Variants in ADA observed in about 807,000 individuals in gnomAD.
The protein encoded by ADA is adenosine aminohydrolase.
ADA carries 45 observed loss-of-function variants against 49.0 expected under a neutral mutation model. The observed-to-expected ratio is 0.92, with a 90% CI of 0.72 to 1.18. ADA has a LOEUF of 1.18. Ranked by LOEUF, ADA falls within the 50% of genes most tolerant of loss-of-function variation. The pLI is 0.00. For synonymous variants in ADA, 173 were observed against 184.2 expected, an observed-to-expected ratio of 0.94 and a Z score of 0.49; for missense variants, 445 against 472.5, an observed-to-expected ratio of 0.94 and a Z score of 0.54.
At chr20:44,620,678 C>T (rs1005798921) in intron 10 of ADA, 7 of 568,756 alleles carry the variant, frequency 1.2e-5, no homozygotes, top group East Asian at 6.2e-5. Context: ...CTCGCAGACA[C>T]GTGCAGGAAT....
At chr20:44,625,168 C>T (rs141880036) in intron 5 of ADA, among the ~76,000 whole-genome samples, 16 of 152,314 alleles carry the variant, frequency 1.1e-4, no homozygotes, top group East Asian at 5.8e-4. Flanking sequence ...ATCTGATCTG[C>T]GTCAGTGACA....
Position 44,624,212 on chromosome 20 carries a change from T to C in ADA, c.596A>G (p.Gln199Arg), listed in dbSNP as rs121908734. ...PGSSLLPGHV[Q>R]AYQEAVKSGI... ...TCTCACAGGACCCACCTGGTAGGCC[T>C]GGACATGTCCAGGCAAGAGGCTGCT... Residue 199 changes from glutamine (Q) to arginine (R), a missense_variant, in exon 6 of 12, where the codon CAG (glutamine) becomes CGG (arginine). Transcript: ENST00000372874. 6.2e-7 allele frequency: 1 copy of C among 1,612,334 alleles called. No individual in the cohort carries two copies. The highest frequency in any genetic ancestry group is 1.1e-5 in the South Asian group (1 of 90,718).
In ADA at chr20:44,636,290, T is replaced by G; in HGVS notation, c.34-2A>C. 1.2e-6 allele frequency: 2 copies of G among 1,600,964 alleles called. No homozygotes were observed. The highest frequency in any genetic ancestry group is 1.7e-6 in the Non-Finnish European group (2 of 1,172,086). On this transcript the variant is annotated splice_acceptor_variant, in intron 1 of 11. Coordinates refer to ENST00000372874, the MANE Select transcript of ADA (RefSeq NM_000022.4). LOFTEE classifies it high-confidence loss of function. ...GTCTAGGTGGACATGCAGTTCCACC[T>G]GCAAGGGGGCAGGGGGAAGAGAGAG...
chr20:44,645,380 T>TAAAAAAAAAAA (rs2065580880), intron 1 of ADA, among the ~76,000 whole-genome samples: 1 of 125,594 alleles, frequency 8.0e-6, no homozygotes, highest in African/African-American at 3.2e-5. Flanking sequence ...AAAAAAAAAG[T>TAAAAAAAAAAA]CACTGAAGTC....
intron 1 of ADA, among the ~76,000 whole-genome samples, chr20:44,642,468 A>T (rs2065545665): frequency 6.6e-6 from 1 of 152,176 alleles, no homozygotes; most frequent in Non-Finnish European, 1.5e-5. Flanking sequence ...TTCGCCAGGG[A>T]GAAGAAAGAA....
At chr20:44,637,943 C>T (rs2065495484) in intron 1 of ADA, among the ~76,000 whole-genome samples, 1 of 152,176 alleles carries the variant, frequency 6.6e-6, no homozygotes, top group South Asian at 2.1e-4. Context: ...AAGCTTATAG[C>T]CCAGGGAACG....
intron 1 of ADA, among the ~76,000 whole-genome samples, chr20:44,647,447 AAAAG>A (rs1451536942): frequency 1.3e-4 from 20 of 151,726 alleles, no homozygotes; most frequent in Admixed American, 2.0e-4. Flanking sequence ...AAAAAAGAAA[AAAAG>A]AAAGAAACTG....
At chr20:44,627,523 G>A (rs980112189) in intron 3 of ADA, among the ~76,000 whole-genome samples, 1 of 152,070 alleles carries the variant, frequency 6.6e-6, no homozygotes, top group Non-Finnish European at 1.5e-5. Context: ...CATTCTCCTG[G>A]GCTTTCTTTT....
In ADA at chr20:44,626,547, C is replaced by T. The variant is rs1391023076; in HGVS notation, c.271G>A (p.Ala91Thr). The T allele has an allele frequency of 6.2e-7, 1 of 1,614,054 alleles. No homozygotes were observed. The highest frequency in any genetic ancestry group is 2.2e-5 in the East Asian group (1 of 44,878). The change falls in exon 4 of 12, where the codon GCC (alanine) becomes ACC (threonine). Residue 91 changes from alanine to threonine, a missense_variant. Transcript: ENST00000372874. Reference sequence around the variant, plus strand: ...TCCACATACACCACGCCCTCTTTGGCCTTCATCTCTACAAACTCATAGGCG... The same window carrying T: ...TCCACATACACCACGCCCTCTTTGGTCTTCATCTCTACAAACTCATAGGCG... The part of the protein sequence containing the change: ...RIAYEFVEMK[A>T]KEGVVYVEVR...
chr20:44,623,751 CTTT>C (rs34833873), intron 6 of ADA, among the ~76,000 whole-genome samples: 5 of 132,878 alleles, frequency 3.8e-5, no homozygotes, highest in East Asian at 2.1e-4. Flanking sequence ...TTCTTTCTTC[CTTT>C]TTTTTTTTTT....
intron 9 of ADA, among the ~76,000 whole-genome samples, chr20:44,622,303 G>GC (rs1193068738): frequency 2.0e-5 from 3 of 152,358 alleles, no homozygotes; most frequent in Admixed American, 2.0e-4. Context: ...AGAATTGGAA[G>GC]TGTGGAAGCT....
chr20:44,629,734 G>A (rs57421542), intron 2 of ADA, among the ~76,000 whole-genome samples: 5 of 152,152 alleles, frequency 3.3e-5, no homozygotes, highest in Non-Finnish European at 5.9e-5. Context: ...CCAGTGGGCC[G>A]CCAGCCAGCT....
intron 1 of ADA, among the ~76,000 whole-genome samples, chr20:44,636,962 C>T (rs1225974381): frequency 6.6e-6 from 1 of 152,080 alleles, no homozygotes; most frequent in African/African-American, 2.4e-5. Flanking sequence ...GGTGCCACCA[C>T]GCCCAGTTAA....
At position 44,621,035 on chromosome 20, in the gene ADA, C is replaced by T. The variant is rs765373813; in HGVS notation, c.958G>A (p.Glu320Lys). Residue 320 changes from glutamate (E) to lysine (K), a missense_variant, in exon 10 of 12, where the codon GAG becomes AAG. Glu to Lys is a moderately conservative substitution (Grantham distance 56). Transcript: ENST00000372874. ...CCACTCACCAGCCTTTTAAACTCCT[C>T]TTCAGTAAAGCCCATGTCCCGTTTG... Reference protein sequence around the residue: ...MTKRDMGFTEEEFKRLNINAA... With the variant: ...MTKRDMGFTEKEFKRLNINAA... 2 of 1,613,518 alleles carry T rather than the reference C, an allele frequency of 1.2e-6. No individual in the cohort carries two copies. The highest frequency in any genetic ancestry group is 1.7e-6 in the Non-Finnish European group (2 of 1,179,482).
At chr20:44,639,340 C>T (rs1276016842) in intron 1 of ADA, among the ~76,000 whole-genome samples, 2 of 152,032 alleles carry the variant, frequency 1.3e-5, no homozygotes, top group African/African-American at 4.8e-5. Flanking sequence ...CCTGGAGCTC[C>T]CTCCAGGAGG....
rs751635016 is a variant in ADA at position 44,622,588 on chromosome 20, C to T, written c.845G>A (p.Arg282Gln). 17 of 1,614,116 alleles carry T rather than the reference C, an allele frequency of 1.1e-5. No homozygotes were observed. The highest frequency in any genetic ancestry group is 3.3e-4 in the Middle Eastern group (2 of 6,084). Reference protein sequence around the residue: ...WKPDTEHAVIRLKNDQANYSL... With the variant: ...WKPDTEHAVIQLKNDQANYSL... Reference sequence around the variant, plus strand: ...ACAGGCCCAGGGGAACAGAGCTCACCGAATGACTGCATGCTCCGTGTCCGG... The same window carrying T: ...ACAGGCCCAGGGGAACAGAGCTCACTGAATGACTGCATGCTCCGTGTCCGG... Residue 282 changes from arginine (R) to glutamine (Q), a missense_variant and splice_region_variant, in exon 9 of 12, where the codon CGG becomes CAG. By Grantham distance (43) the Arg-to-Gln change is conservative. Coordinates refer to ENST00000372874, the MANE Select transcript of ADA (RefSeq NM_000022.4).
intron 1 of ADA, among the ~76,000 whole-genome samples, chr20:44,642,195 C>T (rs556064757): frequency 3.3e-5 from 5 of 152,302 alleles, no homozygotes; most frequent in Non-Finnish European, 5.9e-5. Context: ...TCCAAGGAGC[C>T]GAAACCTCAC....
At chr20:44,651,441 A>G in intron 1 of ADA, 134 bp downstream of exon 1, 4 of 924,592 alleles carry the variant, frequency 4.3e-6, no homozygotes, top group Non-Finnish European at 6.5e-6. Flanking sequence ...CCACGGCCTA[A>G]GCCGAAGGAA....
chr20:44,636,326 A>G (rs377494919), intron 1 of ADA, 38 bp from the exon 2 acceptor site: 3 of 1,520,336 alleles, frequency 2.0e-6, no homozygotes, highest in Non-Finnish European at 2.7e-6. Flanking sequence ...AGAAAGGGAG[A>G]GAGAGAACAA....
Sources: allele counts gnomAD v4.1 joint callset (sites outside exome capture counted in the v4.1 genomes callset), GRCh38; gene constraint gnomAD v4.1.1; transcripts MANE v1.5; gene names NCBI Gene and HGNC (gene_info 2026-07-23, HGNC 2026-07-21).